DCT: variants seen among roughly 807,000 people sequenced by gnomAD.
DCT encodes dopachrome tautomerase, also known as L-dopachrome tautomerase.
A neutral mutation model predicts 53.0 loss-of-function variants in DCT; 47 were observed. That is an observed-to-expected ratio of 0.89 (90% CI 0.70 to 1.13). The LOEUF is 1.13. DCT is among the 50% of genes most tolerant of loss of function. The pLI is 0.00. For missense variants in DCT, 669 were observed against 637.4 expected, an observed-to-expected ratio of 1.05 and a Z score of -0.53; for synonymous variants, 244 against 237.0, an observed-to-expected ratio of 1.03 and a Z score of -0.27.
rs1316776819 is a variant in DCT, at chr13:94,437,738, TA to T, written c.*2159del. ...TGGTTTATCCTACCTTAATATTTGT[TA>T]AAATGCATTCATAATTGATTTATTG... On this transcript the variant is annotated 3_prime_UTR_variant, in exon 8 of 8. Transcript: ENST00000377028. The T allele has an allele frequency of 6.6e-6, 1 of 152,212 alleles. No individual in the cohort carries two copies. Among genetic ancestry groups the T allele is most frequent in the Non-Finnish European group, 1.5e-5 (1 of 68,036 alleles). The allele number at this position is 152,212 out of a possible 1,614,324, so 9.4% of individuals were successfully genotyped here.
At chr13:94,461,111 G>C (rs1458192551) in intron 5 of DCT, among the ~76,000 whole-genome samples, 2 of 152,160 alleles carry the variant, frequency 1.3e-5, no homozygotes, top group African/African-American at 4.8e-5. Context: ...GTTTTTCATT[G>C]TGACAAAAGT....
chr13:94,470,249 T>C (rs1010940439), intron 1 of DCT, among the ~76,000 whole-genome samples: 3 of 152,198 alleles, frequency 2.0e-5, no homozygotes, highest in African/African-American at 7.2e-5. Flanking sequence ...AGCTGTCAAG[T>C]CCTCAGGGTG....
chr13:94,524,744 C>A, the DCT span, among the ~76,000 whole-genome samples: 1 of 151,860 alleles, frequency 6.6e-6, no homozygotes, highest in East Asian at 2.0e-4. Context: ...TGCCCTCGTG[C>A]CCCCAAATTT....
rs761418928 is a variant in DCT at position 94,469,019 on chromosome 13, C to T, written c.322G>A (p.Asp108Asn). 3 of 1,613,978 alleles carry T rather than the reference C, an allele frequency of 1.9e-6. No homozygotes were observed. The highest frequency in any genetic ancestry group is 2.2e-5 in the South Asian group (2 of 91,080). ...TGNFAGYNCG[D>N]CKFGWTGPNC... ...GGACCGGTCCAGCCAAACTTGCAGT[C>T]TCCACAATTATAGCCGGCAAAGTTT... Residue 108 changes from aspartate to asparagine, a missense_variant, in exon 2 of 8, where the codon GAC (aspartate) becomes AAC (asparagine). By Grantham distance (23) the Asp-to-Asn change is conservative. Transcript: ENST00000377028.
At chr13:94,485,823 AAG>A in the DCT span, among the ~76,000 whole-genome samples, 1 of 152,190 alleles carries the variant, frequency 6.6e-6, no homozygotes, top group Non-Finnish European at 1.5e-5. Flanking sequence ...CAAAAAGATA[AAG>A]AGATTTCCTT....
chr13:94,459,542 G>C (rs141198985), intron 6 of DCT, among the ~76,000 whole-genome samples: 46 of 152,312 alleles, frequency 3.0e-4, no homozygotes, highest in African/African-American at 9.9e-4. Flanking sequence ...CTTGTCTGCT[G>C]TTGATGTTCT....
At chr13:94,501,350 T>A in the DCT span, among the ~76,000 whole-genome samples, 10 of 152,304 alleles carry the variant, frequency 6.6e-5, no homozygotes, top group African/African-American at 2.2e-4. Context: ...ATTTTCATTG[T>A]TTATAAAAAG....
At chr13:94,542,700 G>A in the DCT span, among the ~76,000 whole-genome samples, 715 of 152,194 alleles carry the variant, frequency 4.7e-3, 4 homozygotes, top group Middle Eastern at 0.014. Flanking sequence ...CAGATGTTTT[G>A]TTCTGGGACC....
At chr13:94,478,620 G>A (rs751203028) in intron 1 of DCT, among the ~76,000 whole-genome samples, 19 of 152,208 alleles carry the variant, frequency 1.2e-4, no homozygotes, top group Non-Finnish European at 2.5e-4. Flanking sequence ...AGAGGGCACC[G>A]AATCCATCTT....
intron 7 of DCT, among the ~76,000 whole-genome samples, chr13:94,440,435 A>G (rs1234163992): frequency 6.6e-6 from 1 of 152,166 alleles, no homozygotes; most frequent in East Asian, 1.9e-4. Flanking sequence ...GCTGCAAAAT[A>G]TACAGCCCTT....
intron 1 of DCT, among the ~76,000 whole-genome samples, chr13:94,472,417 T>G (rs1447543064): frequency 6.6e-6 from 1 of 150,434 alleles, no homozygotes; most frequent in East Asian, 2.0e-4. Context: ...CAACACATCT[T>G]CCTTTATGCT....
the DCT span, among the ~76,000 whole-genome samples, chr13:94,543,104 T>C: frequency 6.6e-6 from 1 of 152,172 alleles, no homozygotes; most frequent in African/African-American, 2.4e-5. Flanking sequence ...TTTTGGTTTA[T>C]CTCAGGATGC....
At chr13:94,518,984 C>T in the DCT span, among the ~76,000 whole-genome samples, 1 of 152,150 alleles carries the variant, frequency 6.6e-6, no homozygotes, top group Non-Finnish European at 1.5e-5. Context: ...TTTGCCTACA[C>T]TCTTCTATTT....
chr13:94,526,420 G>A, the DCT span, among the ~76,000 whole-genome samples: 2 of 152,070 alleles, frequency 1.3e-5, no homozygotes, highest in African/African-American at 4.8e-5. Context: ...AGGATCGCTT[G>A]AGCCTGGAGT....
At chr13:94,460,827 G>A (rs1883735118) in intron 5 of DCT, among the ~76,000 whole-genome samples, 1 of 152,158 alleles carries the variant, frequency 6.6e-6, no homozygotes, top group Non-Finnish European at 1.5e-5. Context: ...TGAGAAATAT[G>A]TTTATAAATA....
intron 1 of DCT, among the ~76,000 whole-genome samples, chr13:94,475,213 T>A (rs75472334): frequency 0.013 from 1,945 of 152,272 alleles, 38 homozygotes; most frequent in African/African-American, 0.043. Context: ...AATTATGACA[T>A]ACACAAAATA....
the DCT span, among the ~76,000 whole-genome samples, chr13:94,512,452 T>A: frequency 6.6e-6 from 1 of 152,204 alleles, no homozygotes; most frequent in Non-Finnish European, 1.5e-5. Context: ...TTCTAATTTA[T>A]TAAAGGAAGA....
the DCT span, among the ~76,000 whole-genome samples, chr13:94,521,517 A>G: frequency 1.5e-4 from 23 of 152,166 alleles, no homozygotes; most frequent in Non-Finnish European, 3.2e-4. Flanking sequence ...TAAAAATACA[A>G]AAATTAGCCA....
chr13:94,532,000 G>A, the DCT span, among the ~76,000 whole-genome samples: 2 of 152,222 alleles, frequency 1.3e-5, no homozygotes, highest in Admixed American at 1.3e-4. Context: ...CTTCTCAAAA[G>A]AAGCCATTTA....
Sources: allele counts gnomAD v4.1 joint callset (sites outside exome capture counted in the v4.1 genomes callset), GRCh38; gene constraint gnomAD v4.1.1; transcripts MANE v1.5; gene names NCBI Gene and HGNC (gene_info 2026-07-23, HGNC 2026-07-21).